Variants in DYRK1A observed in about 807,000 individuals in gnomAD.
DYRK1A encodes dual specificity tyrosine phosphorylation regulated kinase 1A, also known as dual specificity tyrosine-phosphorylation-regulated kinase 1A.
A neutral mutation model predicts 79.7 loss-of-function variants in DYRK1A; 9 were observed. The ratio of observed to expected loss-of-function variants is 0.11; its 90% CI spans 0.07 to 0.20. The LOEUF (loss-of-function observed/expected upper bound fraction) is 0.20. Among genes scored for constraint, DYRK1A ranks in the 10% least tolerant of loss-of-function variants. DYRK1A has a pLI of 1.00. For missense variants in DYRK1A, 622 were observed against 956.0 expected, an observed-to-expected ratio of 0.65 and a Z score of 4.61; for synonymous variants, 349 against 329.7, an observed-to-expected ratio of 1.06 and a Z score of -0.63.
At chr21:37,394,023 C>T (rs899672800) in intron 1 of DYRK1A, among the ~76,000 whole-genome samples, 4 of 148,808 alleles carry the variant, frequency 2.7e-5, no homozygotes, top group South Asian at 2.3e-4. Context: ...TCAGGGGGTT[C>T]GGGGTGGGGT....
At chr21:37,430,170 C>A in intron 2 of DYRK1A, 1 of 408,570 alleles carries the variant, frequency 2.4e-6, no homozygotes, top group Non-Finnish European at 3.3e-6. Flanking sequence ...TTCTTTTTAC[C>A]TCACAGCTGT....
At position 37,516,502 on chromosome 21, in the gene DYRK1A, G is replaced by C. The variant is rs1800190035; in HGVS notation, c.*3971G>C. 1 of 152,178 alleles carries C rather than the reference G, an allele frequency of 6.6e-6. No homozygotes were observed. The highest frequency in any genetic ancestry group is 1.5e-5 in the Non-Finnish European group (1 of 68,022). The allele number at this position is 152,178 out of a possible 1,614,324, so 9.4% of individuals were successfully genotyped here. A position where few individuals can be genotyped will look rare whatever the true frequency, so the allele number is the denominator to read the frequency against. On this transcript the variant is annotated 3_prime_UTR_variant, in exon 12 of 12. Coordinates refer to ENST00000647188, the MANE Select transcript of DYRK1A (RefSeq NM_001347721.2). ...AGAACAAGAGAAGAAACCCTAAGAA[G>C]ATAGCTTATTTGTTATCCTCCCTTT...
chr21:37,464,208 C>A, intron 2 of DYRK1A: 1 of 440,956 alleles, frequency 2.3e-6, no homozygotes, highest in African/African-American at 2.1e-5. Context: ...TTACCACTAT[C>A]TTTTTGAATC....
chr21:37,393,093 A>G (rs2049900555), intron 1 of DYRK1A, among the ~76,000 whole-genome samples: 1 of 152,186 alleles, frequency 6.6e-6, no homozygotes, highest in Admixed American at 6.5e-5. Context: ...CAACAAATGA[A>G]TTTTGGGGGA....
At chr21:37,416,472 AT>A (rs938365459) in intron 1 of DYRK1A, among the ~76,000 whole-genome samples, 3 of 151,276 alleles carry the variant, frequency 2.0e-5, no homozygotes, top group African/African-American at 7.3e-5. Context: ...GAAATAAGAG[AT>A]TTTTTTTCTT....
At chr21:37,460,284 A>T (rs1336338367) in intron 2 of DYRK1A, among the ~76,000 whole-genome samples, 1 of 152,116 alleles carries the variant, frequency 6.6e-6, no homozygotes, top group Middle Eastern at 3.2e-3. Context: ...CTAATGGCAG[A>T]TTGATTTGTC....
At chr21:37,442,231 T>C (rs755477262) in intron 2 of DYRK1A, among the ~76,000 whole-genome samples, 2 of 152,108 alleles carry the variant, frequency 1.3e-5, no homozygotes, top group Non-Finnish European at 2.9e-5. Context: ...TGTTGAACTT[T>C]TAGATCTATG....
chr21:37,450,379 G>T (rs1009353127), intron 2 of DYRK1A, among the ~76,000 whole-genome samples: 2 of 152,190 alleles, frequency 1.3e-5, no homozygotes, highest in African/African-American at 4.8e-5. Context: ...TGTGGTATAA[G>T]ATGGGAGGCT....
intron 6 of DYRK1A, 191 bp downstream of exon 6, chr21:37,486,805 GCCTT>G: frequency 2.2e-6 from 1 of 457,632 alleles, no homozygotes; most frequent in Non-Finnish European, 3.7e-6. Flanking sequence ...TGGGGAATGT[GCCTT>G]CCATGTAGCA....
intron 1 of DYRK1A, chr21:37,419,774 A>C (rs1204759822): frequency 6.6e-6 from 1 of 152,184 alleles, no homozygotes; most frequent in Non-Finnish European, 1.5e-5. Flanking sequence ...AAATAAGAGA[A>C]ACCACTTGGA....
chr21:37,499,689 T>C (rs2053382123), intron 9 of DYRK1A, among the ~76,000 whole-genome samples: 1 of 152,236 alleles, frequency 6.6e-6, no homozygotes, highest in Admixed American at 6.5e-5. Flanking sequence ...TTAAATGGCA[T>C]TTAAAATGTA....
At chr21:37,369,636 A>T (rs1415038095) in intron 1 of DYRK1A, among the ~76,000 whole-genome samples, 2 of 152,236 alleles carry the variant, frequency 1.3e-5, no homozygotes, top group African/African-American at 4.8e-5. Flanking sequence ...AAGCTCAGAG[A>T]TTATTGCAGG....
At chr21:37,393,941 TA>T (rs2049914733) in intron 1 of DYRK1A, among the ~76,000 whole-genome samples, 1 of 152,154 alleles carries the variant, frequency 6.6e-6, no homozygotes, top group South Asian at 2.1e-4. Flanking sequence ...TCTTAAGACT[TA>T]CACCTTGAAC....
At position 37,425,952 on chromosome 21, in the gene DYRK1A, G is replaced by T. The variant is rs73408651; in HGVS notation, c.10+5568G>T. Reference sequence around the variant, plus strand: ...GCGGAAATTATGTTTGAGAAGAGCAGCTGGAACTGGAGATAGTTTTGAGTT... The same window carrying T: ...GCGGAAATTATGTTTGAGAAGAGCATCTGGAACTGGAGATAGTTTTGAGTT... On this transcript the variant is annotated intron_variant, in intron 2 of 11. Transcript: ENST00000647188. Among the ~76,000 whole-genome samples, 1,076 of 152,314 alleles carry T rather than the reference G, an allele frequency of 7.1e-3. 13 individuals are homozygous for T. The highest frequency in any genetic ancestry group is 0.025 in the African/African-American group (1,022 of 41,560).
chr21:37,392,723 A>G (rs981965324), intron 1 of DYRK1A, among the ~76,000 whole-genome samples: 1 of 152,250 alleles, frequency 6.6e-6, no homozygotes, highest in Admixed American at 6.5e-5. Context: ...ACCAGTATTC[A>G]GACTGGTCAT....
rs1294654712 is a variant in DYRK1A, at chr21:37,394,758, T to G, written c.-76-25541T>G. 5.3e-5 allele frequency among the ~76,000 whole-genome samples: 8 copies of G among 152,176 alleles called. No homozygotes were observed. The East Asian group carries it at 1.5e-3, about 29-fold the overall frequency. On this transcript the variant is annotated intron_variant, in intron 1 of 11. Coordinates refer to ENST00000647188, the MANE Select transcript of DYRK1A (RefSeq NM_001347721.2). ...CACCTCCTCCTGTCCGTGGAAAAAT[T>G]GTCTTCCACAAAAGTAGTCCCTGGT...
chr21:37,450,780 T>C (rs767470719), intron 2 of DYRK1A, among the ~76,000 whole-genome samples: 9 of 152,170 alleles, frequency 5.9e-5, no homozygotes, highest in Non-Finnish European at 1.0e-4. Flanking sequence ...CTTGTTGTTA[T>C]GAGAATACAA....
At chr21:37,436,555 C>T (rs1178765055) in intron 2 of DYRK1A, among the ~76,000 whole-genome samples, 1 of 152,156 alleles carries the variant, frequency 6.6e-6, no homozygotes, top group African/African-American at 2.4e-5. Flanking sequence ...CCCATTGGCC[C>T]TAAAGCATTG....
intron 2 of DYRK1A, among the ~76,000 whole-genome samples, chr21:37,452,671 C>T (rs2051493609): frequency 6.6e-6 from 1 of 151,212 alleles, no homozygotes; most frequent in African/African-American, 2.4e-5. Context: ...GGAAGGGGAG[C>T]AGGGAGAGGA....
Sources: gnomAD v4.1 joint callset for allele counts (sites outside exome capture counted in the v4.1 genomes callset) on GRCh38, gnomAD v4.1.1 for gene constraint, MANE v1.5 for transcripts, NCBI Gene and HGNC (gene_info 2026-07-23, HGNC 2026-07-21) for gene names.